The following ORMDL1 variants were observed in gnomAD, a reference collection of about 807,000 sequenced individuals.
ORMDL1 encodes the protein ORMDL sphingolipid biosynthesis regulator 1.
In ORMDL1, 10 loss-of-function variants were observed where a neutral mutation model predicts 13.0. The ratio of observed to expected loss-of-function variants is 0.77; its 90% confidence interval spans 0.47 to 1.30. The LOEUF is 1.30. ORMDL1 is among the 50% of genes most tolerant of loss of function. ORMDL1 has a pLI of 0.00. For synonymous variants in ORMDL1, 61 were observed against 63.9 expected (o/e 0.95, Z 0.22); for missense variants, 171 against 186.7 (o/e 0.92, Z 0.49).
chr2:189,771,039 C>T lies in ORMDL1; in HGVS notation c.*728G>A, dbSNP rs1311335004. On this transcript the variant is annotated 3_prime_UTR_variant, in exon 5 of 5. Coordinates refer to ENST00000392349, the MANE Select transcript of ORMDL1 (RefSeq NM_016467.5). Reference sequence around the variant, plus strand: ...ATTATTTTCTTAATTGGTTTAGCAGCCTTGTGTCTGGAAAAGCAGTAAAAC... The same window carrying T: ...ATTATTTTCTTAATTGGTTTAGCAGTCTTGTGTCTGGAAAAGCAGTAAAAC... The T allele has an allele frequency of 6.6e-6, 1 of 152,146 alleles. No individual in the cohort carries two copies. The highest frequency in any genetic ancestry group is 1.5e-5 in the Non-Finnish European group (1 of 68,022). The allele number at this position is 152,146 out of a possible 1,614,324, so 9.4% of individuals were successfully genotyped here. A position where few individuals can be genotyped will look rare whatever the true frequency, so the allele number is the denominator to read the frequency against.
Position 189,771,724 on chromosome 2 carries a change from G to A in ORMDL1, c.*43C>T. On this transcript the variant is annotated 3_prime_UTR_variant, in exon 5 of 5. Coordinates refer to ENST00000392349, the MANE Select transcript of ORMDL1 (RefSeq NM_016467.5). ...TTTACTAACCACTCCTTCCTTATAA[G>A]AAATTCAGTAGCTGTAAAATTTTTT... 1 of 1,514,540 alleles carries A rather than the reference G, an allele frequency of 6.6e-7. No individual in the cohort carries two copies. Among genetic ancestry groups the A allele is most frequent in the Non-Finnish European group, 8.9e-7 (1 of 1,118,900 alleles). The allele number at this position is 1,514,540 out of a possible 1,614,324, so 93.8% of individuals were successfully genotyped here.
chr2:189,781,672 GAAAA>G (rs879493716), intron 3 of ORMDL1, among the ~76,000 whole-genome samples: 15 of 144,366 alleles, frequency 1.0e-4, no homozygotes, highest in African/African-American at 3.6e-4. Context: ...TATACAATGA[GAAAA>G]AAAAAAGTCT....
downstream of ORMDL1, among the ~76,000 whole-genome samples, chr2:189,766,564 G>C (rs952245387): frequency 4.6e-5 from 7 of 151,988 alleles, no homozygotes; most frequent in African/African-American, 1.7e-4. Context: ...TCTCTACTAA[G>C]AATACAAAAA....
At chr2:189,783,799 T>C (rs1412776285) in intron 1 of ORMDL1, among the ~76,000 whole-genome samples, 2 of 152,182 alleles carry the variant, frequency 1.3e-5, no homozygotes, top group Non-Finnish European at 2.9e-5. Flanking sequence ...GGTGCGGTAC[T>C]CATCCTATTC....
intron 4 of ORMDL1, among the ~76,000 whole-genome samples, chr2:189,774,332 A>C (rs769995186): frequency 4.6e-5 from 7 of 152,116 alleles, no homozygotes; most frequent in Non-Finnish European, 1.0e-4. Flanking sequence ...CTTTTCTTTG[A>C]GGTTAATATT....
intron 4 of ORMDL1, 147 bp from the exon 5 acceptor site, chr2:189,772,049 G>A (rs1028675045): frequency 1.7e-5 from 11 of 645,098 alleles, no homozygotes; most frequent in Admixed American, 3.8e-5. Flanking sequence ...AAGAGGAATC[G>A]GTTTGGTCCC....
chr2:189,777,105 C>T (rs945523531), intron 3 of ORMDL1, among the ~76,000 whole-genome samples: 1 of 152,096 alleles, frequency 6.6e-6, no homozygotes, highest in African/African-American at 2.4e-5. Flanking sequence ...AATTAATCTC[C>T]TCTTTATGTA....
chr2:189,783,193 A>AAG (rs1397720775), intron 1 of ORMDL1, 70 bp from the exon 2 acceptor site: 1 of 152,110 alleles, frequency 6.6e-6, no homozygotes, highest in Non-Finnish European at 1.5e-5. Context: ...TTTGTGATTA[A>AAG]ACTAGGTGAA....
chr2:189,777,070 T>G (rs776256063), intron 3 of ORMDL1, among the ~76,000 whole-genome samples: 3 of 152,204 alleles, frequency 2.0e-5, no homozygotes, highest in Non-Finnish European at 4.4e-5. Context: ...AACAATTCCT[T>G]AGAAAAACCT....
chr2:189,772,014 T>C (rs1331745989), intron 4 of ORMDL1, 112 bp from the exon 5 acceptor site: 1 of 808,792 alleles, frequency 1.2e-6, no homozygotes, highest in South Asian at 2.8e-5. Flanking sequence ...TACCTAAAAA[T>C]GAAACTATTT....
At chr2:189,775,531 A>G (rs367615033) in intron 4 of ORMDL1, 34 bp downstream of exon 4, 43 of 1,543,330 alleles carry the variant, frequency 2.8e-5, no homozygotes, top group Non-Finnish European at 3.3e-5. Flanking sequence ...CTCTTATCCA[A>G]TCCTCCTCAT....
chr2:189,781,996 A>G (rs2047850512), intron 3 of ORMDL1, among the ~76,000 whole-genome samples: 1 of 151,102 alleles, frequency 6.6e-6, no homozygotes, highest in African/African-American at 2.4e-5. Context: ...AGGCTGGAGT[A>G]CAGTGGAATG....
downstream of ORMDL1, among the ~76,000 whole-genome samples, chr2:189,769,661 T>C (rs1269606255): frequency 6.6e-6 from 1 of 152,136 alleles, no homozygotes; most frequent in South Asian, 2.1e-4. Flanking sequence ...ATCATAATAA[T>C]GGATTATAAC....
chr2:189,764,133 C>T, the ORMDL1 span: 2 of 152,078 alleles, frequency 1.3e-5, no homozygotes, highest in Non-Finnish European at 2.9e-5. Flanking sequence ...GAGAAAATAA[C>T]TCACATTTTC....
intron 4 of ORMDL1, 51 bp downstream of exon 4, chr2:189,775,514 T>C: frequency 6.7e-7 from 1 of 1,483,950 alleles, no homozygotes; most frequent in South Asian, 1.3e-5. Flanking sequence ...GATGAAAAGA[T>C]ATCTTCCTCT....
In ORMDL1 at chr2:189,779,679, T is replaced by G. The variant is rs1275277537; in HGVS notation, c.174+2743A>C. On this transcript the variant is annotated intron_variant, in intron 3 of 4. Coordinates refer to ENST00000392349, the MANE Select transcript of ORMDL1 (RefSeq NM_016467.5). ...TATGACTTGAGCAAACATGCATTTT[T>G]AAAACATCACTCTGCCAAGCTGGAA... 2.0e-5 allele frequency among the ~76,000 whole-genome samples: 3 copies of G among 152,174 alleles called. No homozygotes were observed. The East Asian group carries it at 5.8e-4, about 29-fold the overall frequency.
At chr2:189,782,632 T>G in intron 2 of ORMDL1, 30 bp from the exon 3 acceptor site, 1 of 1,587,698 alleles carries the variant, frequency 6.3e-7, no homozygotes, top group Middle Eastern at 1.7e-4. Flanking sequence ...GAATCAACAC[T>G]GATACAACTG....
chr2:189,782,839 T>C, intron 2 of ORMDL1, 175 bp downstream of exon 2: 2 of 393,560 alleles, frequency 5.1e-6, no homozygotes, highest in Non-Finnish European at 9.1e-6. Flanking sequence ...TTTGAAAAAA[T>C]AGTTACAATG....
chr2:189,771,796 C>T lies in ORMDL1; in HGVS notation c.433G>A (p.Val145Ile). Residue 145 changes from valine (V) to isoleucine (I), a missense_variant, in exon 5 of 5, where the codon GTT becomes ATT. Transcript: ENST00000392349. ...LIPKMPQLHG[V>I]RIFGINKY is the part of the protein sequence containing the mutation. ...TACTTATTAATTCCAAAGATCCGAA[C>T]ACCATGTAGTTGTGGCATTTTGGGA... is the stretch of plus-strand genomic sequence containing the variant. 1 of 1,607,484 alleles carries T rather than the reference C, an allele frequency of 6.2e-7. No homozygotes were observed. Among genetic ancestry groups the T allele is most frequent in the South Asian group, 1.1e-5 (1 of 89,476 alleles).
Sources: allele counts gnomAD v4.1 joint callset (sites outside exome capture counted in the v4.1 genomes callset), GRCh38; gene constraint gnomAD v4.1.1; transcripts MANE v1.5; gene names NCBI Gene and HGNC (gene_info 2026-07-23, HGNC 2026-07-21).